The following TMEM132C variants were observed in gnomAD, a reference collection of about 807,000 sequenced individuals.
The protein encoded by TMEM132C is protein phosphatase 1, regulatory subunit 152.
TMEM132C carries 29 observed loss-of-function variants against 61.4 expected under a neutral mutation model. That is an observed-to-expected ratio of 0.47 (90% CI 0.35 to 0.64). The LOEUF (loss-of-function observed/expected upper bound fraction) is 0.64, where lower values mean the gene tolerates loss of function less well. Ranked by LOEUF, TMEM132C falls within the 30% of genes least tolerant of loss-of-function variation. The probability of loss-of-function intolerance (pLI) is 0.00; values close to 1 mark genes in which losing one functional copy is unlikely to be tolerated. For missense variants in TMEM132C, 1,408 were observed against 1,476.9 expected (o/e 0.95, Z 0.76); for synonymous variants, 656 against 633.1 (o/e 1.04, Z -0.54).
At chr12:128,375,354 G>A (rs1473671459) in intron 1 of TMEM132C, among the ~76,000 whole-genome samples, 2 of 152,132 alleles carry the variant, frequency 1.3e-5, no homozygotes, top group African/African-American at 4.8e-5. Context: ...CTGGAGGCCA[G>A]AAATCTGAAA....
chr12:128,543,933 T>C (rs1046985434), intron 2 of TMEM132C, 24 bp from the exon 3 acceptor site: 3 of 1,541,404 alleles, frequency 1.9e-6, no homozygotes, highest in Middle Eastern at 1.7e-4. Flanking sequence ...TGTCTCTCTC[T>C]CTCTCCCATC....
intron 1 of TMEM132C, among the ~76,000 whole-genome samples, chr12:128,411,597 G>A (rs990721848): frequency 2.0e-5 from 3 of 152,076 alleles, no homozygotes; most frequent in African/African-American, 7.2e-5. Flanking sequence ...AGGTGTTCCA[G>A]GTTCTTCTTG....
At chr12:128,333,480 CTGTGTCTGTTG>C (rs1256257817) in intron 1 of TMEM132C, among the ~76,000 whole-genome samples, 1 of 148,246 alleles carries the variant, frequency 6.7e-6, no homozygotes, top group African/African-American at 2.5e-5. Context: ...GAGTGGTGTG[CTGTGTCTGTTG>C]TGTGTGTGTT....
chr12:128,592,445 A>T (rs1396444171), intron 3 of TMEM132C, among the ~76,000 whole-genome samples: 1 of 152,212 alleles, frequency 6.6e-6, no homozygotes, highest in Non-Finnish European at 1.5e-5. Context: ...TGGATGGACA[A>T]ATGATGGAAG....
intron 1 of TMEM132C, among the ~76,000 whole-genome samples, chr12:128,360,279 CA>C (rs1873660937): frequency 4.9e-5 from 7 of 142,950 alleles, no homozygotes; most frequent in African/African-American, 1.8e-4. Flanking sequence ...CACACACACA[CA>C]CCCCAGGATA....
At chr12:128,685,205 G>A (rs940738259) in intron 5 of TMEM132C, among the ~76,000 whole-genome samples, 5 of 152,196 alleles carry the variant, frequency 3.3e-5, no homozygotes, top group African/African-American at 1.2e-4. Context: ...TGGGAGGTAA[G>A]GAAGAGAGGG....
At chr12:128,682,948 G>A (rs557888825) in intron 5 of TMEM132C, among the ~76,000 whole-genome samples, 4 of 152,114 alleles carry the variant, frequency 2.6e-5, no homozygotes, top group African/African-American at 4.8e-5. Context: ...AGGCATCACC[G>A]CATTCTCTGC....
chr12:128,306,120 G>A (rs1358595120), intron 1 of TMEM132C, among the ~76,000 whole-genome samples: 1 of 151,994 alleles, frequency 6.6e-6, no homozygotes, highest in Admixed American at 6.6e-5. Context: ...TCCCAAGAAA[G>A]ACTTCCATTC....
intron 1 of TMEM132C, among the ~76,000 whole-genome samples, chr12:128,324,376 T>G (rs1470354646): frequency 3.3e-5 from 5 of 152,246 alleles, no homozygotes. Context: ...CAGTAATTTT[T>G]TGTACTTTCT....
intron 1 of TMEM132C, among the ~76,000 whole-genome samples, chr12:128,298,287 C>T (rs1311916584): frequency 1.3e-5 from 2 of 152,200 alleles, no homozygotes; most frequent in Non-Finnish European, 2.9e-5. Flanking sequence ...CTCCCGCCCT[C>T]TCCTCCCCCG....
At chr12:128,310,532 G>A (rs981434617) in intron 1 of TMEM132C, among the ~76,000 whole-genome samples, 2 of 152,046 alleles carry the variant, frequency 1.3e-5, no homozygotes, top group Non-Finnish European at 2.9e-5. Context: ...AAGCAAGAGA[G>A]AGTGGGGTCG....
At chr12:128,572,440 C>T (rs1009016228) in intron 3 of TMEM132C, among the ~76,000 whole-genome samples, 1 of 151,890 alleles carries the variant, frequency 6.6e-6, no homozygotes, top group African/African-American at 2.4e-5. Flanking sequence ...TTGGCTGGGC[C>T]TGGGTCGCAT....
At chr12:128,403,059 C>T (rs1328199652) in intron 1 of TMEM132C, among the ~76,000 whole-genome samples, 1 of 152,108 alleles carries the variant, frequency 6.6e-6, no homozygotes, top group Non-Finnish European at 1.5e-5. Flanking sequence ...GCAAACCGCG[C>T]TATGTAATTT....
intron 1 of TMEM132C, among the ~76,000 whole-genome samples, chr12:128,338,935 T>C (rs1361716769): frequency 6.6e-6 from 1 of 151,834 alleles, no homozygotes; most frequent in African/African-American, 2.4e-5. Flanking sequence ...GTAAAGACGT[T>C]GGGTTGGCTT....
intron 4 of TMEM132C, among the ~76,000 whole-genome samples, chr12:128,661,903 A>G (rs1189675115): frequency 1.3e-5 from 2 of 152,234 alleles, no homozygotes; most frequent in Non-Finnish European, 2.9e-5. Flanking sequence ...CATAAAAGCA[A>G]AAGACAATAC....
chr12:128,497,111 TG>T, intron 2 of TMEM132C, among the ~76,000 whole-genome samples: 1 of 152,376 alleles, frequency 6.6e-6, no homozygotes, highest in Non-Finnish European at 1.5e-5. Flanking sequence ...AGACCCTGTT[TG>T]CCTGGGTATC....
chr12:128,619,650 TC>T (rs1401831017), intron 4 of TMEM132C, among the ~76,000 whole-genome samples: 1 of 152,218 alleles, frequency 6.6e-6, no homozygotes, highest in Non-Finnish European at 1.5e-5. Flanking sequence ...CTCTCCCTAA[TC>T]CCCTCCTCCC....
At chr12:128,286,179 T>C (rs1871065308) in intron 1 of TMEM132C, among the ~76,000 whole-genome samples, 1 of 152,140 alleles carries the variant, frequency 6.6e-6, no homozygotes, top group Non-Finnish European at 1.5e-5. Flanking sequence ...ATTTGGATTT[T>C]CTACATTATG....
intron 2 of TMEM132C, among the ~76,000 whole-genome samples, chr12:128,525,659 A>G (rs1873062359): frequency 6.6e-6 from 1 of 152,078 alleles, no homozygotes; most frequent in African/African-American, 2.4e-5. Context: ...TCTAGAACCC[A>G]TCGGCCTTAC....
Sources: gnomAD v4.1 joint callset for allele counts (sites outside exome capture counted in the v4.1 genomes callset) on GRCh38, gnomAD v4.1.1 for gene constraint, MANE v1.5 for transcripts, NCBI Gene and HGNC (gene_info 2026-07-23, HGNC 2026-07-21) for gene names.